SYTL3: variants seen among roughly 807,000 people sequenced by gnomAD.
The protein encoded by SYTL3 is synaptotagmin like 3.
Under a neutral mutation model 82.1 loss-of-function variants are expected in SYTL3, and 88 were observed. That is an observed-to-expected ratio of 1.07 (90% CI 0.90 to 1.28). The LOEUF (loss-of-function observed/expected upper bound fraction) is 1.28, where lower values mean the gene tolerates loss of function less well. SYTL3 is among the 50% of genes most tolerant of loss of function. The pLI is 0.00. For missense variants in SYTL3, 831 were observed against 757.6 expected (o/e 1.10, Z -1.14); for synonymous variants, 311 against 289.4 (o/e 1.07, Z -0.76).
Position 158,663,122 on chromosome 6 carries a change from A to C in SYTL3, c.-147A>C, listed in dbSNP as rs1370410960. ...CAGTTAAAAAGGAAAAAAGAACCAC[A>C]AGCAAAACAGTTGCCAGTGAAATAG... On this transcript the variant is annotated 5_prime_UTR_variant, in exon 4 of 18. Transcript: ENST00000611299. The C allele has an allele frequency of 1.6e-6, 1 of 642,240 alleles. No homozygotes were observed. Among genetic ancestry groups the C allele is most frequent in the Non-Finnish European group, 2.7e-6 (1 of 368,698 alleles). The allele number at this position is 642,240 out of a possible 1,614,324, so 39.8% of individuals were successfully genotyped here.
intron 6 of SYTL3, among the ~76,000 whole-genome samples, chr6:158,693,368 C>T (rs1019264607): frequency 1.3e-5 from 2 of 152,076 alleles, no homozygotes; most frequent in Non-Finnish European, 2.9e-5. Context: ...CAGGCATGCA[C>T]CACTACACCT....
chr6:158,647,950 T>C (rs2128340316), upstream of SYTL3, among the ~76,000 whole-genome samples: 1 of 152,328 alleles, frequency 6.6e-6, no homozygotes, highest in East Asian at 1.9e-4. Context: ...AGTGTGGGCC[T>C]AATAATCATA....
At chr6:158,738,455 T>C (rs1226798855) in intron 11 of SYTL3, among the ~76,000 whole-genome samples, 3 of 152,220 alleles carry the variant, frequency 2.0e-5, no homozygotes, top group Non-Finnish European at 4.4e-5. Context: ...AAGAAGCTGA[T>C]GCCTGCAGCA....
Position 158,760,757 on chromosome 6 carries a change from C to T in SYTL3, c.1414+12C>T. ...AGAGGCTCAAGAAGGTCAGTGGCCT[C>T]CAGCTCCCTGGACATTGTCTGTGTC... On this transcript the variant is annotated intron_variant, in intron 15 of 17. Coordinates refer to ENST00000611299, the MANE Select transcript of SYTL3 (RefSeq NM_001242394.2). 1 of 1,598,300 alleles carries T rather than the reference C, an allele frequency of 6.3e-7. No homozygotes were observed. The highest frequency in any genetic ancestry group is 1.3e-5 in the African/African-American group (1 of 74,724).
chr6:158,712,759 CTTTTTT>C (rs56677894), intron 8 of SYTL3, among the ~76,000 whole-genome samples: 1 of 127,658 alleles, frequency 7.8e-6, no homozygotes, highest in Non-Finnish European at 1.7e-5. Context: ...TTCTTTCTTT[CTTTTTT>C]TTTTTTTTTT....
At chr6:158,676,628 ATG>A (rs1778061604) in intron 5 of SYTL3, among the ~76,000 whole-genome samples, 1 of 152,160 alleles carries the variant, frequency 6.6e-6, no homozygotes, top group African/African-American at 2.4e-5. Context: ...AACCTACAGA[ATG>A]AGAGAAAATT....
At chr6:158,650,365 AT>A (rs533095286) in intron 1 of SYTL3, among the ~76,000 whole-genome samples, 339 of 148,474 alleles carry the variant, frequency 2.3e-3, no homozygotes, top group Admixed American at 4.0e-3. Flanking sequence ...ATATGGTGTG[AT>A]TTTTTTTTTT....
chr6:158,701,850 C>T (rs1196941735), intron 6 of SYTL3, among the ~76,000 whole-genome samples: 36 of 152,064 alleles, frequency 2.4e-4, no homozygotes, highest in Non-Finnish European at 1.2e-4. Flanking sequence ...GGGTAGAACG[C>T]TGCCTCCCTC....
At chr6:158,716,061 A>G (rs1783386735) in intron 9 of SYTL3, among the ~76,000 whole-genome samples, 1 of 151,906 alleles carries the variant, frequency 6.6e-6, no homozygotes. Context: ...CAGAATTACA[A>G]CCTCTAGCTG....
intron 12 of SYTL3, among the ~76,000 whole-genome samples, chr6:158,750,208 A>T (rs1043468562): frequency 2.6e-5 from 4 of 152,210 alleles, no homozygotes; most frequent in Non-Finnish European, 5.9e-5. Context: ...TAAGCAGTAC[A>T]TTGTTTAAGG....
At chr6:158,762,821 A>T (rs1301373120) in intron 16 of SYTL3, among the ~76,000 whole-genome samples, 2 of 152,076 alleles carry the variant, frequency 1.3e-5, no homozygotes, top group African/African-American at 4.8e-5. Flanking sequence ...GGAGGCTGAG[A>T]TAGGAGTCTT....
At chr6:158,706,384 C>T (rs577070335) in intron 6 of SYTL3, among the ~76,000 whole-genome samples, 77 of 152,230 alleles carry the variant, frequency 5.1e-4, no homozygotes, top group African/African-American at 1.5e-3. Flanking sequence ...TCTTACTGTC[C>T]GTGTCCTTCA....
chr6:158,746,459 A>T (rs4412227), intron 12 of SYTL3, among the ~76,000 whole-genome samples: 73,440 of 141,660 alleles, frequency 0.52, 20,205 homozygotes, highest in African/African-American at 0.65. Flanking sequence ...AATAATAATA[A>T]TATTATTATT....
At chr6:158,654,841 G>A (rs555347934) in intron 2 of SYTL3, among the ~76,000 whole-genome samples, 3 of 152,176 alleles carry the variant, frequency 2.0e-5, no homozygotes, top group African/African-American at 7.2e-5. Flanking sequence ...CCACATGGCT[G>A]TAGGAGAATG....
chr6:158,764,682 G>C lies in SYTL3; in HGVS notation c.*78G>C, dbSNP rs1790573002. 9.4e-7 allele frequency: 1 copy of C among 1,059,786 alleles called. No individual in the cohort carries two copies. Among genetic ancestry groups the C allele is most frequent in the Non-Finnish European group, 1.5e-6 (1 of 683,500 alleles). The allele number at this position is 1,059,786 out of a possible 1,614,324, so 65.6% of individuals were successfully genotyped here. ...GCAGAGGGGCTACGAACCAGGTGCA[G>C]GGTCCCAGCTGGAGACCCCTTTGAC... On this transcript the variant is annotated 3_prime_UTR_variant, in exon 18 of 18. Transcript: ENST00000611299.
intron 4 of SYTL3, 118 bp downstream of exon 4, chr6:158,663,496 G>A (rs1250238285): frequency 8.0e-6 from 12 of 1,491,558 alleles, no homozygotes; most frequent in East Asian, 7.5e-5. Flanking sequence ...GCTGGGCTTC[G>A]TGCCTGAGAA....
chr6:158,730,399 T>C (rs1185012454), intron 11 of SYTL3, among the ~76,000 whole-genome samples: 1 of 152,258 alleles, frequency 6.6e-6, no homozygotes, highest in African/African-American at 2.4e-5. Flanking sequence ...AAAAAACTTT[T>C]TGTCTAAATG....
Position 158,708,353 on chromosome 6 carries a change from C to T in SYTL3, c.478C>T (p.Pro160Ser), listed in dbSNP as rs149567404. The T allele has an allele frequency of 1.9e-6, 3 of 1,614,100 alleles. No homozygotes were observed. The highest frequency in any genetic ancestry group is 1.3e-5 in the African/African-American group (1 of 74,926). ...KISVVPPTPP[P>S]VSESQCSRSP... is the part of the protein sequence containing the mutation. ...TTCTGTGGTTCCTCCTACTCCACCT[C>T]CTGTCAGCGAGAGCCAGTGCAGCCG... The change falls in exon 8 of 18, where the codon CCT (proline) becomes TCT (serine). Residue 160 changes from proline to serine, a missense_variant. Pro to Ser is a moderately conservative substitution (Grantham distance 74, BLOSUM62 -1). Transcript: ENST00000611299.
chr6:158,695,276 C>T lies in SYTL3; in HGVS notation c.395-11954C>T, dbSNP rs569117474. ...GATAAAATACAACAACGTTTTCATG[C>T]CCATCATTATTTTTCCTATTTCAAT... On this transcript the variant is annotated intron_variant, in intron 6 of 17. Coordinates refer to ENST00000611299, the MANE Select transcript of SYTL3 (RefSeq NM_001242394.2). Among the ~76,000 whole-genome samples the T allele has an allele frequency of 2.6e-5, 4 of 152,240 alleles. No individual in the cohort carries two copies. In the South Asian group the frequency reaches 6.2e-4, roughly 24 times the overall value.
Sources: allele counts gnomAD v4.1 joint callset (sites outside exome capture counted in the v4.1 genomes callset), GRCh38; gene constraint gnomAD v4.1.1; transcripts MANE v1.5; gene names NCBI Gene and HGNC (gene_info 2026-07-23, HGNC 2026-07-21).